The following SIK3 variants were observed in gnomAD, a reference collection of about 807,000 sequenced individuals.
The protein encoded by SIK3 is serine/threonine-protein kinase SIK3.
In SIK3, 28 loss-of-function variants were observed where a neutral mutation model predicts 144.2. The observed-to-expected ratio is 0.19, with a 90% CI of 0.14 to 0.27. SIK3 has a LOEUF of 0.27. SIK3 is among the 10% of genes least tolerant of loss of function. The pLI is 1.00. For missense variants in SIK3, 1,319 were observed against 1,776.0 expected (o/e 0.74, Z 4.62); for synonymous variants, 686 against 676.3 (o/e 1.01, Z -0.22).
At position 116,859,435 on chromosome 11, in the gene SIK3, C is replaced by T; in HGVS notation, c.2595G>A (p.Met865Ile). Residue 865 changes from methionine to isoleucine, a missense_variant, in exon 20 of 25, where the codon ATG (methionine) becomes ATA (isoleucine). Transcript: ENST00000445177. ...CAGCTGTGCCTGGCATGTTGCTGAG[C>T]ATGTCAACAGGCTCTTGGACTTGGA... ...VTIQVQEPVD[M>I]LSNMPGTAAG... 2 of 1,614,230 alleles carry T rather than the reference C, an allele frequency of 1.2e-6. No individual in the cohort carries two copies. The highest frequency in any genetic ancestry group is 1.3e-5 in the African/African-American group (1 of 75,070).
chr11:116,859,732 T>C (rs1943206307), intron 19 of SIK3, 128 bp from the exon 20 acceptor site: 1 of 755,644 alleles, frequency 1.3e-6, no homozygotes, highest in Non-Finnish European at 2.2e-6. Flanking sequence ...GCACTGAGCA[T>C]AGGACAAGTC....
At chr11:116,953,910 G>A (rs1949046891) in intron 3 of SIK3, 134 bp downstream of exon 3, 1 of 617,188 alleles carries the variant, frequency 1.6e-6, no homozygotes, top group Non-Finnish European at 2.8e-6. Flanking sequence ...AAATGCCTTT[G>A]TTGATAGAAA....
intron 1 of SIK3, among the ~76,000 whole-genome samples, chr11:116,971,336 G>A (rs1419119963): frequency 2.0e-5 from 3 of 152,126 alleles, no homozygotes; most frequent in Non-Finnish European, 2.9e-5. Context: ...AAGAATCCGA[G>A]TCTAAGAAAT....
rs749535632 is a variant in SIK3, at chr11:116,896,337, G to T, written c.781C>A (p.Leu261Met). The T allele has an allele frequency of 1.2e-6, 2 of 1,613,898 alleles. No homozygotes were observed. The highest frequency in any genetic ancestry group is 2.7e-5 in the African/African-American group (2 of 74,916). Reference sequence around the variant, plus strand: ...TGCAGTGTGCTTCCATCAAATGGCAGGGCACCGCACACAAGCACGTAGAGG... The same window carrying T: ...TGCAGTGTGCTTCCATCAAATGGCATGGCACCGCACACAAGCACGTAGAGG... ...VVLYVLVCGA[L>M]PFDGSTLQNL... The change falls in exon 6 of 25, where the codon CTG becomes ATG. Residue 261 changes from leucine to methionine, a missense_variant. Transcript: ENST00000445177.
At chr11:117,036,321 G>A (rs1196651691) in intron 1 of SIK3, among the ~76,000 whole-genome samples, 2 of 152,126 alleles carry the variant, frequency 1.3e-5, no homozygotes, top group Non-Finnish European at 2.9e-5. Flanking sequence ...AGCTGAGGCA[G>A]CTAATGGGCT....
In SIK3 at chr11:116,910,030, T is replaced by C. The variant is rs183595174; in HGVS notation, c.617-12713A>G. 2.0e-3 allele frequency among the ~76,000 whole-genome samples: 304 copies of C among 152,296 alleles called. 3 individuals are homozygous for C. Among genetic ancestry groups the C allele is most frequent in the African/African-American group, 6.8e-3 (282 of 41,578 alleles). On this transcript the variant is annotated intron_variant, in intron 4 of 24. Transcript: ENST00000445177. ...GTAAATATTTTAGTGATAGGTATAA[T>C]CATTAATGCTAAAATGGCAATTAGG... is the stretch of plus-strand genomic sequence containing the variant.
intron 15 of SIK3, among the ~76,000 whole-genome samples, chr11:116,865,626 T>A (rs1162331896): frequency 6.6e-6 from 1 of 152,180 alleles, no homozygotes; most frequent in African/African-American, 2.4e-5. Context: ...TTTAAAACAT[T>A]TTTAACCTTA....
At chr11:116,935,381 T>A (rs1036601296) in intron 3 of SIK3, among the ~76,000 whole-genome samples, 2 of 152,116 alleles carry the variant, frequency 1.3e-5, no homozygotes, top group Admixed American at 1.3e-4. Context: ...ACACTTTTTT[T>A]ACTCTTCATT....
chr11:117,052,824 G>A (rs1236261417), intron 1 of SIK3, among the ~76,000 whole-genome samples: 3 of 152,208 alleles, frequency 2.0e-5, no homozygotes, highest in African/African-American at 7.2e-5. Flanking sequence ...ATCCCAAACA[G>A]CTTTGTGGCT....
chr11:116,887,612 C>CAA (rs58936458), intron 6 of SIK3, among the ~76,000 whole-genome samples: 96 of 96,814 alleles, frequency 9.9e-4, no homozygotes, highest in African/African-American at 2.1e-3. Flanking sequence ...ATCTGTCTCC[C>CAA]AAAAAAAAAA....
At chr11:116,855,293 C>G (rs1377584343) in intron 21 of SIK3, 1 of 152,128 alleles carries the variant, frequency 6.6e-6, no homozygotes, top group African/African-American at 2.4e-5. Context: ...CCTCTAGATC[C>G]AAATGGCAAA....
chr11:116,873,810 A>C, intron 12 of SIK3, 93 bp downstream of exon 12: 1 of 1,503,852 alleles, frequency 6.6e-7, no homozygotes, highest in Non-Finnish European at 8.9e-7. Flanking sequence ...TCTATAAGTA[A>C]ACCCTTAAGT....
At chr11:117,065,783 C>T (rs1953983631) in intron 1 of SIK3, among the ~76,000 whole-genome samples, 1 of 151,884 alleles carries the variant, frequency 6.6e-6, no homozygotes, top group Non-Finnish European at 1.5e-5. Flanking sequence ...GCATGCACCA[C>T]CACACCTGGC....
intron 1 of SIK3, among the ~76,000 whole-genome samples, chr11:117,097,164 T>C (rs996966075): frequency 1.3e-5 from 2 of 152,162 alleles, no homozygotes; most frequent in African/African-American, 4.8e-5. Flanking sequence ...GAATTTTACA[T>C]GCATACATAT....
At chr11:117,079,553 A>G (rs1363922876) in intron 1 of SIK3, among the ~76,000 whole-genome samples, 1 of 152,230 alleles carries the variant, frequency 6.6e-6, no homozygotes, top group Admixed American at 6.5e-5. Context: ...ATTAATAATC[A>G]CAAAAATAAA....
At chr11:116,892,231 C>T (rs1406269584) in intron 6 of SIK3, among the ~76,000 whole-genome samples, 1 of 151,998 alleles carries the variant, frequency 6.6e-6, no homozygotes, top group Non-Finnish European at 1.5e-5. Context: ...ATGAAAAGAT[C>T]TAAAGGATGA....
At chr11:117,093,563 A>G (rs1195915063) in intron 1 of SIK3, among the ~76,000 whole-genome samples, 2 of 152,162 alleles carry the variant, frequency 1.3e-5, no homozygotes, top group African/African-American at 2.4e-5. Flanking sequence ...CTGTTCCATC[A>G]TCAACATAAC....
At chr11:117,044,342 TTCTTATTCTATACACAGCAAGGTATAGTA>T (rs1286511945) in intron 1 of SIK3, among the ~76,000 whole-genome samples, 2 of 152,214 alleles carry the variant, frequency 1.3e-5, no homozygotes, top group Non-Finnish European at 2.9e-5. Context: ...ACTTATACTT[TTCTTATTCTATACACAGCAAGGTATAGTA>T]TCTCTAAACT....
intron 1 of SIK3, among the ~76,000 whole-genome samples, chr11:117,082,196 G>A (rs1954818816): frequency 6.6e-6 from 1 of 152,158 alleles, no homozygotes; most frequent in South Asian, 2.1e-4. Flanking sequence ...ATAAAATGGG[G>A]CAGCTACTGT....
Sources: allele counts gnomAD v4.1 joint callset (sites outside exome capture counted in the v4.1 genomes callset), GRCh38; gene constraint gnomAD v4.1.1; transcripts MANE v1.5; gene names NCBI Gene and HGNC (gene_info 2026-07-23, HGNC 2026-07-21).